Variants in RBMS3 observed in about 807,000 individuals in gnomAD.
RBMS3 encodes RNA binding motif single stranded interacting protein 3, also known as RNA-binding motif, single-stranded-interacting protein 3.
Under a neutral mutation model 66.8 loss-of-function variants are expected in RBMS3, and 27 were observed. That is an observed-to-expected ratio of 0.40 (90% CI 0.30 to 0.56). The LOEUF is 0.56. Ranked by LOEUF, RBMS3 falls within the 20% of genes least tolerant of loss-of-function variation. The pLI is 0.40. For synonymous variants in RBMS3, 188 were observed against 183.0 expected (o/e 1.03, Z -0.22); for missense variants, 513 against 549.5 (o/e 0.93, Z 0.66).
chr3:29,600,235 C>A lies in RBMS3; in HGVS notation c.399+13030C>A, dbSNP rs76856429. ...TATTTGCACGTTTGTCCCTTCAAAC[C>A]TCATGCTGAAATTCGATCCCCGTGT... On this transcript the variant is annotated intron_variant, in intron 4 of 14. Transcript: ENST00000383767. Among the ~76,000 whole-genome samples, 358 of 152,048 alleles carry A rather than the reference C, an allele frequency of 2.4e-3. 10 individuals are homozygous for A. The East Asian group carries it at 0.062, about 26-fold the overall frequency.
Position 29,936,125 on chromosome 3 carries a change from A to T in RBMS3, c.979A>T (p.Met327Leu), listed in dbSNP as rs1413894932. The change falls in exon 11 of 15, where the codon ATG (methionine) becomes TTG (leucine). Residue 327 changes from methionine to leucine, a missense_variant. Coordinates refer to ENST00000383767, the MANE Select transcript of RBMS3 (RefSeq NM_001003793.3). Reference sequence around the variant, plus strand: ...ACCAACCATGGACCATCCCATGTCAATGCAGCCAGCCAACATGATGGGCCC... The same window carrying T: ...ACCAACCATGGACCATCCCATGTCATTGCAGCCAGCCAACATGATGGGCCC... ...ITPTMDHPMS[M>L]QPANMMGPLT... 2 of 1,613,342 alleles carry T rather than the reference A, an allele frequency of 1.2e-6. No homozygotes were observed. Among genetic ancestry groups the T allele is most frequent in the East Asian group, 2.2e-5 (1 of 44,848 alleles).
rs1035325461 is a variant in RBMS3, at chr3:29,551,515, G to T, written c.308-35599G>T. Among the ~76,000 whole-genome samples, 7 of 152,060 alleles carry T rather than the reference G, an allele frequency of 4.6e-5. No individual in the cohort carries two copies. The East Asian group carries it at 9.6e-4, about 21-fold the overall frequency. On this transcript the variant is annotated intron_variant, in intron 3 of 14. Coordinates refer to ENST00000383767, the MANE Select transcript of RBMS3 (RefSeq NM_001003793.3). ...TTTTGGGTAAATGCTTTAAAAATTA[G>T]AAAAATAAAATAGGGATAAAGAAAA...
At chr3:29,309,573 G>A (rs1243304013) in intron 1 of RBMS3, among the ~76,000 whole-genome samples, 3 of 151,292 alleles carry the variant, frequency 2.0e-5, no homozygotes, top group African/African-American at 7.3e-5. Flanking sequence ...AGAAATAAAA[G>A]AATTGAAAGA....
At chr3:29,409,778 G>T (rs1309892161) in intron 1 of RBMS3, among the ~76,000 whole-genome samples, 1 of 152,188 alleles carries the variant, frequency 6.6e-6, no homozygotes, top group Non-Finnish European at 1.5e-5. Context: ...GCATCAATGT[G>T]CCTGCCTATC....
Position 29,992,553 on chromosome 3 carries a change from G to C in RBMS3, c.1307+1344G>C, listed in dbSNP as rs1698955607. 1.3e-5 allele frequency among the ~76,000 whole-genome samples: 2 copies of C among 152,138 alleles called. 1 individual carries two copies. The highest frequency in any genetic ancestry group is 4.1e-4 in the South Asian group (2 of 4,824). On this transcript the variant is annotated intron_variant, in intron 14 of 14. Transcript: ENST00000383767. Reference sequence around the variant, plus strand: ...GGCGGAGCAGCTTGCGGTGAGCAGAGATTGTGCCACTGCACTCCAGCCTGG... The same window carrying C: ...GGCGGAGCAGCTTGCGGTGAGCAGACATTGTGCCACTGCACTCCAGCCTGG...
intron 10 of RBMS3, among the ~76,000 whole-genome samples, chr3:29,928,603 T>C (rs1344652944): frequency 6.6e-6 from 1 of 151,934 alleles, no homozygotes; most frequent in Non-Finnish European, 1.5e-5. Context: ...ACAAATAGTC[T>C]CATTTTTTCA....
At chr3:29,926,223 C>A (rs1476996368) in intron 10 of RBMS3, among the ~76,000 whole-genome samples, 3 of 152,076 alleles carry the variant, frequency 2.0e-5, no homozygotes, top group African/African-American at 7.2e-5. Flanking sequence ...AGAAAGTGTG[C>A]TTTAAAAGGA....
intron 7 of RBMS3, among the ~76,000 whole-genome samples, chr3:29,881,538 G>A (rs1055292187): frequency 4.6e-5 from 7 of 152,122 alleles, no homozygotes; most frequent in African/African-American, 1.7e-4. Context: ...TTGAACTCAG[G>A]TCTGTCTTAT....
chr3:29,631,059 A>C (rs1467971371), intron 4 of RBMS3, among the ~76,000 whole-genome samples: 2 of 151,898 alleles, frequency 1.3e-5, no homozygotes. Context: ...TGCTTAGCAA[A>C]ATTTGAGTAT....
At chr3:29,398,812 T>G (rs895115489) in intron 1 of RBMS3, among the ~76,000 whole-genome samples, 5 of 129,280 alleles carry the variant, frequency 3.9e-5, no homozygotes, top group African/African-American at 1.4e-4. Flanking sequence ...CAGTCTATTT[T>G]TATAGTGGAT....
intron 10 of RBMS3, among the ~76,000 whole-genome samples, chr3:29,909,908 G>A (rs2060475174): frequency 6.6e-6 from 1 of 152,198 alleles, no homozygotes; most frequent in African/African-American, 2.4e-5. Flanking sequence ...AGCAGGCACA[G>A]CATTCTGGAC....
At chr3:29,645,017 G>T (rs2049863589) in intron 4 of RBMS3, among the ~76,000 whole-genome samples, 1 of 152,120 alleles carries the variant, frequency 6.6e-6, no homozygotes, top group African/African-American at 2.4e-5. Context: ...CAAAAAGAGA[G>T]AATAAAAATG....
intron 10 of RBMS3, among the ~76,000 whole-genome samples, chr3:29,914,922 A>G (rs1298875767): frequency 1.3e-5 from 2 of 151,848 alleles, no homozygotes; most frequent in Non-Finnish European, 2.9e-5. Context: ...TAGCCCAGCT[A>G]GTGGAAGAAC....
At chr3:29,450,039 A>G (rs1348253029) in intron 2 of RBMS3, among the ~76,000 whole-genome samples, 1 of 152,130 alleles carries the variant, frequency 6.6e-6, no homozygotes, top group Non-Finnish European at 1.5e-5. Flanking sequence ...AAACTGAGAG[A>G]AGCAGAGGAA....
intron 5 of RBMS3, among the ~76,000 whole-genome samples, chr3:29,745,117 G>A (rs2054826504): frequency 6.6e-6 from 1 of 152,146 alleles, no homozygotes; most frequent in Non-Finnish European, 1.5e-5. Flanking sequence ...TATTTAAAAC[G>A]CTGAATTTCA....
intron 6 of RBMS3, among the ~76,000 whole-genome samples, chr3:29,775,052 C>T (rs972833884): frequency 1.2e-4 from 18 of 151,434 alleles, no homozygotes; most frequent in Middle Eastern, 3.4e-3. Flanking sequence ...AGAAAACAGC[C>T]GATATAGAGT....
intron 6 of RBMS3, among the ~76,000 whole-genome samples, chr3:29,791,144 T>C (rs2056997534): frequency 2.0e-5 from 3 of 152,194 alleles, no homozygotes; most frequent in Admixed American, 2.0e-4. Context: ...TTTTGTTTTT[T>C]AAAGAGGTTC....
At chr3:29,837,663 CATATATATATATAT>C (rs3070797) in intron 6 of RBMS3, among the ~76,000 whole-genome samples, 8,626 of 67,650 alleles carry the variant, frequency 0.13, 544 homozygotes, top group Non-Finnish European at 0.15. Context: ...ATATAATGAA[CATATATATATATAT>C]ATATATATAT....
intron 3 of RBMS3, among the ~76,000 whole-genome samples, chr3:29,495,873 A>T (rs258945): frequency 0.24 from 36,749 of 151,992 alleles, 4,603 homozygotes; most frequent in Admixed American, 0.31. Context: ...TTTGTGGTGA[A>T]ATGTTTAAGT....
Sources: allele counts gnomAD v4.1 joint callset (sites outside exome capture counted in the v4.1 genomes callset), GRCh38; gene constraint gnomAD v4.1.1; transcripts MANE v1.5; gene names NCBI Gene and HGNC (gene_info 2026-07-23, HGNC 2026-07-21).